The following NFIB variants were observed in gnomAD, a reference collection of about 807,000 sequenced individuals.
The protein encoded by NFIB is nuclear factor 1 B-type.
In NFIB, 11 loss-of-function variants were observed where a neutral mutation model predicts 61.5. The ratio of observed to expected loss-of-function variants is 0.18; its 90% confidence interval spans 0.11 to 0.30. The LOEUF is 0.30. Among genes scored for constraint, NFIB ranks in the 10% least tolerant of loss-of-function variants. The pLI is 1.00. For synonymous variants in NFIB, 260 were observed against 216.5 expected (o/e 1.20, Z -1.76); for missense variants, 471 against 608.9 (o/e 0.77, Z 2.38).
chr9:14,384,133 A>G (rs116206867), intron 1 of NFIB, among the ~76,000 whole-genome samples: 197 of 152,272 alleles, frequency 1.3e-3, no homozygotes, highest in African/African-American at 4.5e-3. Flanking sequence ...GCATTTGGAA[A>G]AATATCGACT....
the NFIB span, among the ~76,000 whole-genome samples, chr9:14,441,593 C>T: frequency 1.9e-5 from 2 of 104,022 alleles, no homozygotes; most frequent in Non-Finnish European, 2.0e-5. Context: ...TTTTCTTCTT[C>T]CTCTTTTTTT....
intron 10 of NFIB, chr9:14,096,757 C>A (rs990177538): frequency 6.6e-6 from 1 of 152,162 alleles, no homozygotes; most frequent in Non-Finnish European, 1.5e-5. Context: ...TCGATTCAAA[C>A]GTAAACTTTT....
chr9:14,489,838 T>C, the NFIB span, among the ~76,000 whole-genome samples: 1,461 of 152,204 alleles, frequency 9.6e-3, 21 homozygotes, highest in African/African-American at 0.033. Context: ...TTAGAGAACA[T>C]TCCATCTTAG....
At chr9:14,467,991 G>T in the NFIB span, among the ~76,000 whole-genome samples, 3 of 152,344 alleles carry the variant, frequency 2.0e-5, no homozygotes, top group South Asian at 6.2e-4. Context: ...ATCCTGTGGA[G>T]ATGTCACTTT....
At chr9:14,381,308 C>T (rs1234141167) in intron 1 of NFIB, among the ~76,000 whole-genome samples, 1 of 151,958 alleles carries the variant, frequency 6.6e-6, no homozygotes, top group Non-Finnish European at 1.5e-5. Context: ...CCTCCCACCT[C>T]AGCCTCCTGA....
intron 2 of NFIB, among the ~76,000 whole-genome samples, chr9:14,186,449 G>A (rs1188271757): frequency 2.0e-5 from 3 of 151,946 alleles, no homozygotes; most frequent in Non-Finnish European, 2.9e-5. Context: ...TAATAAAACA[G>A]TATATTTTTA....
intron 1 of NFIB, among the ~76,000 whole-genome samples, chr9:14,391,289 G>C (rs1588413549): frequency 6.6e-6 from 1 of 151,794 alleles, no homozygotes; most frequent in South Asian, 2.1e-4. Context: ...CTGTGGTCTT[G>C]TTAGGGTAGG....
At chr9:14,163,441 A>C (rs1365407614) in intron 3 of NFIB, among the ~76,000 whole-genome samples, 1 of 152,000 alleles carries the variant, frequency 6.6e-6, no homozygotes, top group Middle Eastern at 3.2e-3. Context: ...AAAAGTTGTA[A>C]ATAAATGGGT....
the NFIB span, among the ~76,000 whole-genome samples, chr9:14,489,819 T>G: frequency 6.6e-6 from 1 of 152,044 alleles, no homozygotes; most frequent in Non-Finnish European, 1.5e-5. Flanking sequence ...ATATTTCTAT[T>G]TTTATATTTT....
At chr9:14,387,807 C>T (rs913121850) in intron 1 of NFIB, among the ~76,000 whole-genome samples, 29 of 152,172 alleles carry the variant, frequency 1.9e-4, no homozygotes, top group African/African-American at 6.8e-4. Context: ...TAGGTTATTT[C>T]TTGGGGCAGT....
the NFIB span, among the ~76,000 whole-genome samples, chr9:14,478,001 T>C: frequency 2.8e-4 from 42 of 152,196 alleles, no homozygotes; most frequent in African/African-American, 9.9e-4. Context: ...AAGGTTCTCC[T>C]CAAGATTTCT....
At chr9:14,271,629 T>C (rs1440932944) in intron 2 of NFIB, among the ~76,000 whole-genome samples, 1 of 152,146 alleles carries the variant, frequency 6.6e-6, no homozygotes, top group Non-Finnish European at 1.5e-5. Context: ...GGATCCTATC[T>C]TTCCAAGTGA....
the NFIB span, among the ~76,000 whole-genome samples, chr9:14,446,253 A>G: frequency 6.6e-6 from 1 of 152,188 alleles, no homozygotes; most frequent in African/African-American, 2.4e-5. Context: ...TTTAGGATTA[A>G]CTGGGTTTGA....
the NFIB span, among the ~76,000 whole-genome samples, chr9:14,424,866 G>T: frequency 6.6e-6 from 1 of 152,140 alleles, no homozygotes; most frequent in African/African-American, 2.4e-5. Flanking sequence ...GGACATCTAG[G>T]CAAGAAGAGG....
chr9:14,420,019 C>T, the NFIB span, among the ~76,000 whole-genome samples: 1 of 152,080 alleles, frequency 6.6e-6, no homozygotes, highest in Non-Finnish European at 1.5e-5. Flanking sequence ...GGGACAGGAC[C>T]TGATATACAT....
At chr9:14,375,528 G>A (rs1257206088) in intron 1 of NFIB, among the ~76,000 whole-genome samples, 4 of 151,996 alleles carry the variant, frequency 2.6e-5, no homozygotes, top group African/African-American at 9.7e-5. Context: ...CGTGGAGGTG[G>A]GCACCTGCAA....
At chr9:14,133,529 C>G (rs957955509) in intron 6 of NFIB, among the ~76,000 whole-genome samples, 8 of 152,132 alleles carry the variant, frequency 5.3e-5, no homozygotes, top group African/African-American at 1.9e-4. Flanking sequence ...ATTTTTACTT[C>G]AGGCCACAAA....
intron 6 of NFIB, among the ~76,000 whole-genome samples, chr9:14,136,833 C>T (rs2041102733): frequency 6.6e-6 from 1 of 152,070 alleles, no homozygotes; most frequent in Non-Finnish European, 1.5e-5. Context: ...CAGCTCAATG[C>T]AAATATGATT....
Position 14,313,781 on chromosome 9 carries a change from C to G in NFIB, c.-270G>C, listed in dbSNP as rs1166401258. On this transcript the variant is annotated 5_prime_UTR_variant, in exon 1 of 11. Transcript: ENST00000380953. The surrounding 1 kb of genome is among the most constrained non-coding windows in gnomAD (Gnocchi z 4.5). ...GTCCGAGCGCGCTGGCCGTGCTTGC[C>G]GAGGCCGCCGCCGCCGCCGGTGTTG... The G allele has an allele frequency of 5.9e-5, 79 of 1,340,594 alleles. No homozygotes were observed. Among genetic ancestry groups the G allele is most frequent in the Non-Finnish European group, 7.5e-5 (79 of 1,046,712 alleles). The allele number at this position is 1,340,594 out of a possible 1,614,324, so 83.0% of individuals were successfully genotyped here. A position where few individuals can be genotyped will look rare whatever the true frequency, so the allele number is the denominator to read the frequency against.
Sources: allele counts gnomAD v4.1 joint callset (sites outside exome capture counted in the v4.1 genomes callset), GRCh38; gene constraint gnomAD v4.1.1; non-coding constraint Gnocchi (gnomAD v3.1); transcripts MANE v1.5; gene names NCBI Gene and HGNC (gene_info 2026-07-23, HGNC 2026-07-21).